Variants in RABGAP1 observed in about 807,000 individuals in gnomAD.
RABGAP1 encodes RAB GTPase activating protein 1, also known as rab GTPase-activating protein 1.
RABGAP1 carries 23 observed loss-of-function variants against 137.6 expected under a neutral mutation model. The observed-to-expected ratio is 0.17, with a 90% CI of 0.12 to 0.24. The LOEUF is 0.24. RABGAP1 is among the 10% of genes least tolerant of loss of function. RABGAP1 has a pLI of 1.00. For synonymous variants in RABGAP1, 451 were observed against 450.7 expected (o/e 1.00, Z -0.01); for missense variants, 906 against 1,275.8 (o/e 0.71, Z 4.42).
chr9:123,011,493 G>A (rs543624068), intron 11 of RABGAP1, among the ~76,000 whole-genome samples: 41 of 152,310 alleles, frequency 2.7e-4, no homozygotes, highest in African/African-American at 7.2e-4. Flanking sequence ...CATGTTTAGA[G>A]TGAGCACTGA....
At chr9:122,934,491 C>G in the RABGAP1 span, among the ~76,000 whole-genome samples, 1 of 151,998 alleles carries the variant, frequency 6.6e-6, no homozygotes, top group Non-Finnish European at 1.5e-5. Context: ...TTAATTTTCC[C>G]TTTCTTTTTA....
rs769839534 is a variant in RABGAP1, at chr9:123,101,684, T to C, written c.3008T>C (p.Leu1003Pro). 6.2e-7 allele frequency: 1 copy of C among 1,613,838 alleles called. No individual in the cohort carries two copies. Residue 1003 changes from leucine to proline, a missense_variant, in exon 25 of 26, where the codon CTC becomes CCC. Around this residue, in one of 9 missense-constraint regions of RABGAP1, gnomAD observed 193 missense variants for 248.1 expected, o/e 0.78. Transcript: ENST00000373647. ...GACACGGATGAAGAGAAAGAGACGC[T>C]CAAGAACCAGCTGAGAGAAATGGAG... ...DEDTDEEKET[L>P]KNQLREMELE...
At chr9:122,979,931 C>T (rs968016177) in intron 2 of RABGAP1, among the ~76,000 whole-genome samples, 1 of 152,206 alleles carries the variant, frequency 6.6e-6, no homozygotes, top group Non-Finnish European at 1.5e-5. Context: ...GAAGAGAGCC[C>T]TACTAAGAGT....
chr9:123,089,543 C>T (rs2034974652), intron 19 of RABGAP1: 4 of 492,880 alleles, frequency 8.1e-6, no homozygotes, highest in Middle Eastern at 5.3e-4. Flanking sequence ...AGCCTTAGGA[C>T]CCAAACATCT....
At chr9:123,063,576 G>A (rs1315098789) in intron 13 of RABGAP1, among the ~76,000 whole-genome samples, 4 of 152,164 alleles carry the variant, frequency 2.6e-5, no homozygotes, top group Non-Finnish European at 5.9e-5. Flanking sequence ...TTAGCATTTT[G>A]TAGATATGTA....
chr9:122,945,163 T>TTTTTTTTTTTTTTTTTTTTTTTTTG (rs1833881317), intron 1 of RABGAP1, among the ~76,000 whole-genome samples: 2 of 144,216 alleles, frequency 1.4e-5, no homozygotes, highest in Admixed American at 7.1e-5. Flanking sequence ...TTTTTTTTTT[T>TTTTTTTTTTTTTTTTTTTTTTTTTG]AGCATAAACT....
At chr9:122,967,448 T>G (rs556762215) in intron 2 of RABGAP1, among the ~76,000 whole-genome samples, 43 of 152,298 alleles carry the variant, frequency 2.8e-4, no homozygotes, top group African/African-American at 7.2e-4. Context: ...ATGTTACTAG[T>G]ATGAAGAGAG....
intron 9 of RABGAP1, among the ~76,000 whole-genome samples, chr9:122,998,053 A>G (rs1837126109): frequency 6.6e-6 from 1 of 152,200 alleles, no homozygotes; most frequent in Middle Eastern, 3.4e-3. Flanking sequence ...GTGCAGAACA[A>G]TCTGACAGTA....
At chr9:123,089,923 T>TTAA in intron 20 of RABGAP1, 73 bp downstream of exon 20, 1 of 1,288,496 alleles carries the variant, frequency 7.8e-7, no homozygotes, top group South Asian at 1.3e-5. Context: ...TGTAACTAGC[T>TTAA]TTATTGAGTC....
chr9:123,030,103 G>A (rs572064725), intron 13 of RABGAP1, among the ~76,000 whole-genome samples: 2 of 152,266 alleles, frequency 1.3e-5, no homozygotes, highest in East Asian at 3.9e-4. Flanking sequence ...CGTGTTTGCA[G>A]GTCAGAAAGT....
Position 122,957,148 on chromosome 9 carries a change from G to A in RABGAP1, c.89G>A (p.Arg30Lys), listed in dbSNP as rs192792836. ...LNSEDFVLVSRQGDETPSTNN... is the reference protein window; with the variant it reads ...LNSEDFVLVSKQGDETPSTNN... ...AGTGAAGATTTTGTCTTGGTTTCCAGGCAAGGAGATGAGACACCATCTACA... is the reference window on the plus strand; with the variant it reads ...AGTGAAGATTTTGTCTTGGTTTCCAAGCAAGGAGATGAGACACCATCTACA... The change falls in exon 2 of 26, where the codon AGG (arginine) becomes AAG (lysine). Residue 30 changes from arginine to lysine, a missense_variant. Physicochemically the swap from Arg to Lys is conservative, Grantham distance 26. Coordinates refer to ENST00000373647, the MANE Select transcript of RABGAP1 (RefSeq NM_012197.4). 2.2e-5 allele frequency: 35 copies of A among 1,572,760 alleles called. No individual in the cohort carries two copies. The African/African-American group carries it at 4.6e-4, about 20-fold the overall frequency.
chr9:122,959,922 A>AG (rs1383439747), intron 2 of RABGAP1, among the ~76,000 whole-genome samples: 1 of 152,208 alleles, frequency 6.6e-6, no homozygotes, highest in East Asian at 1.9e-4. Context: ...AGTGACACAC[A>AG]GTGTGTCATT....
chr9:123,018,963 AT>A (rs957651369), intron 12 of RABGAP1, among the ~76,000 whole-genome samples: 64 of 152,314 alleles, frequency 4.2e-4, no homozygotes, highest in African/African-American at 1.5e-3. Flanking sequence ...AGTCTTAAGA[AT>A]TTGAGGACTA....
chr9:123,103,306 C>A lies in RABGAP1; in HGVS notation c.*93C>A, dbSNP rs553873988. ...TGTGATTCTGTGACTTGTCCCAGGA[C>A]CAGAATGTACCTAAGTCAGATCCAT... On this transcript the variant is annotated 3_prime_UTR_variant, in exon 26 of 26. Coordinates refer to ENST00000373647, the MANE Select transcript of RABGAP1 (RefSeq NM_012197.4). 2 of 1,541,394 alleles carry A rather than the reference C, an allele frequency of 1.3e-6. No homozygotes were observed. Among genetic ancestry groups the A allele is most frequent in the Non-Finnish European group, 1.8e-6 (2 of 1,137,590 alleles).
chr9:122,942,667 C>T (rs1440614196), intron 1 of RABGAP1, among the ~76,000 whole-genome samples: 2 of 8,024 alleles, frequency 2.5e-4, no homozygotes, highest in Non-Finnish European at 1.7e-3. Context: ...GAGACTCCGT[C>T]TCAAAAAAAA....
chr9:123,015,404 A>G (rs1191135063), intron 11 of RABGAP1, 139 bp from the exon 12 acceptor site: 1 of 499,240 alleles, frequency 2.0e-6, no homozygotes, highest in Non-Finnish European at 3.5e-6. Context: ...CTTTGTACCT[A>G]TCCATAAATA....
At chr9:122,969,175 G>T (rs936063556) in intron 2 of RABGAP1, among the ~76,000 whole-genome samples, 1 of 150,488 alleles carries the variant, frequency 6.6e-6, no homozygotes, top group African/African-American at 2.4e-5. Flanking sequence ...TTACCATTGT[G>T]TTAGAATTGC....
At chr9:123,019,644 TTGTCATTTATTATA>T (rs1432842595) in intron 12 of RABGAP1, among the ~76,000 whole-genome samples, 1 of 151,796 alleles carries the variant, frequency 6.6e-6, no homozygotes, top group Non-Finnish European at 1.5e-5. Flanking sequence ...AGCTAGGTTC[TTGTCATTTATTATA>T]TGTCCACTGA....
chr9:123,002,237 G>A (rs941459927), intron 10 of RABGAP1, among the ~76,000 whole-genome samples: 2 of 151,214 alleles, frequency 1.3e-5, no homozygotes, highest in Non-Finnish European at 1.5e-5. Flanking sequence ...GGAGGTGGAG[G>A]TTGCATTGAG....
Sources: allele counts gnomAD v4.1 joint callset (sites outside exome capture counted in the v4.1 genomes callset), GRCh38; gene constraint gnomAD v4.1.1; regional missense constraint gnomAD v4.1.1; transcripts MANE v1.5; gene names NCBI Gene and HGNC (gene_info 2026-07-23, HGNC 2026-07-21).